The following SAMD12 variants were observed in gnomAD, a reference collection of about 807,000 sequenced individuals.
SAMD12 encodes sterile alpha motif domain containing 12.
A neutral mutation model predicts 15.0 loss-of-function variants in SAMD12; 9 were observed. The ratio of observed to expected loss-of-function variants is 0.60; its 90% CI spans 0.36 to 1.05. SAMD12 has a LOEUF of 1.05. SAMD12 is among the 50% of genes least tolerant of loss of function. The pLI is 0.01. For missense variants in SAMD12, 230 were observed against 234.2 expected, an observed-to-expected ratio of 0.98 and a Z score of 0.12; for synonymous variants, 86 against 90.1, an observed-to-expected ratio of 0.96 and a Z score of 0.25.
chr8:118,462,053 A>AT (rs1823438105), intron 2 of SAMD12, among the ~76,000 whole-genome samples: 1 of 152,172 alleles, frequency 6.6e-6, no homozygotes, highest in Admixed American at 6.5e-5. Context: ...CCTGCATTTG[A>AT]TTTTGTCAGT....
chr8:118,423,330 A>G (rs931734356), intron 3 of SAMD12, among the ~76,000 whole-genome samples: 2 of 152,158 alleles, frequency 1.3e-5, no homozygotes, highest in Admixed American at 1.3e-4. Context: ...GGCGGGTAAC[A>G]CACAAGGGGG....
chr8:118,419,466 G>C (rs1821891228), intron 3 of SAMD12, among the ~76,000 whole-genome samples: 1 of 152,130 alleles, frequency 6.6e-6, no homozygotes, highest in Non-Finnish European at 1.5e-5. Context: ...TAAGATTCTG[G>C]GGACTTCCTC....
At chr8:118,579,802 T>C (rs1827238543) in intron 2 of SAMD12, among the ~76,000 whole-genome samples, 1 of 152,160 alleles carries the variant, frequency 6.6e-6, no homozygotes, top group African/African-American at 2.4e-5. Context: ...AACAAAACTA[T>C]ATGAAGATTA....
the SAMD12 span, among the ~76,000 whole-genome samples, chr8:118,152,214 T>C: frequency 6.6e-6 from 1 of 152,184 alleles, no homozygotes; most frequent in African/African-American, 2.4e-5. Context: ...AAAGTTCTAC[T>C]TAATACTTGT....
At chr8:118,152,071 A>G in the SAMD12 span, among the ~76,000 whole-genome samples, 1 of 152,170 alleles carries the variant, frequency 6.6e-6, no homozygotes, top group Non-Finnish European at 1.5e-5. Flanking sequence ...TTTGGTCTTT[A>G]CAACTTAGAA....
chr8:118,614,009 G>C (rs1448721895), intron 1 of SAMD12, among the ~76,000 whole-genome samples: 1 of 152,192 alleles, frequency 6.6e-6, no homozygotes, highest in Non-Finnish European at 1.5e-5. Context: ...ATTTTAAGCT[G>C]AGGATGCCTT....
chr8:118,245,232 G>A (rs1812658175), intron 4 of SAMD12, among the ~76,000 whole-genome samples: 1 of 152,146 alleles, frequency 6.6e-6, no homozygotes, highest in Non-Finnish European at 1.5e-5. Context: ...AGATATCAAA[G>A]TTTACTAAGA....
intron 2 of SAMD12, among the ~76,000 whole-genome samples, chr8:118,543,033 A>T (rs567535282): frequency 6.6e-4 from 101 of 152,330 alleles, no homozygotes; most frequent in African/African-American, 2.2e-3. Flanking sequence ...AAGGATGAAA[A>T]AAAGGAAAAA....
At chr8:118,266,440 A>C (rs1212602231) in intron 4 of SAMD12, among the ~76,000 whole-genome samples, 2 of 152,200 alleles carry the variant, frequency 1.3e-5, no homozygotes, top group African/African-American at 4.8e-5. Context: ...GAACTTCCTT[A>C]AAATCTAAAG....
chr8:118,333,865 T>C (rs952248208), intron 4 of SAMD12, among the ~76,000 whole-genome samples: 1 of 147,816 alleles, frequency 6.8e-6, no homozygotes, highest in African/African-American at 2.5e-5. Flanking sequence ...GGTATGTCTG[T>C]GTGTGTGTGT....
At chr8:118,371,126 A>T (rs553685628) in intron 4 of SAMD12, among the ~76,000 whole-genome samples, 54 of 152,124 alleles carry the variant, frequency 3.5e-4, no homozygotes, top group African/African-American at 9.4e-4. Context: ...TATAATGAAG[A>T]TATCTTAATT....
At chr8:118,354,143 C>A (rs556127464) in intron 4 of SAMD12, among the ~76,000 whole-genome samples, 1 of 152,290 alleles carries the variant, frequency 6.6e-6, no homozygotes, top group Admixed American at 6.5e-5. Flanking sequence ...TCCCATCTGA[C>A]TGATATTAAA....
intron 3 of SAMD12, among the ~76,000 whole-genome samples, chr8:118,387,993 A>G (rs1820056319): frequency 6.6e-6 from 1 of 152,222 alleles, no homozygotes; most frequent in African/African-American, 2.4e-5. Context: ...ACTAGTAGAC[A>G]AGGATAAATA....
chr8:118,494,028 A>T (rs1456929527), intron 2 of SAMD12, among the ~76,000 whole-genome samples: 1 of 152,172 alleles, frequency 6.6e-6, no homozygotes, highest in African/African-American at 2.4e-5. Flanking sequence ...GTATTGTATT[A>T]GCCTCTATGT....
intron 4 of SAMD12, among the ~76,000 whole-genome samples, chr8:118,325,597 G>C (rs1816528936): frequency 6.6e-6 from 1 of 152,080 alleles, no homozygotes; most frequent in African/African-American, 2.4e-5. Flanking sequence ...GAACACTTAA[G>C]ATCTCTCAGC....
intron 2 of SAMD12, among the ~76,000 whole-genome samples, chr8:118,545,649 C>T (rs1450586981): frequency 6.6e-6 from 1 of 151,932 alleles, no homozygotes; most frequent in Non-Finnish European, 1.5e-5. Context: ...CTTGATGAAC[C>T]CAAGACATCA....
chr8:118,424,337 C>CAAT (rs1031654454), intron 3 of SAMD12, among the ~76,000 whole-genome samples: 1 of 152,060 alleles, frequency 6.6e-6, no homozygotes, highest in Non-Finnish European at 1.5e-5. Flanking sequence ...AACTACGGAT[C>CAAT]AATAATAATA....
intron 2 of SAMD12, among the ~76,000 whole-genome samples, chr8:118,545,930 C>T (rs1306879303): frequency 6.6e-6 from 1 of 152,174 alleles, no homozygotes; most frequent in Non-Finnish European, 1.5e-5. Context: ...ACTGCAAAGC[C>T]AGAGCCCAGG....
At chr8:118,137,200 G>A in the SAMD12 span, among the ~76,000 whole-genome samples, 3 of 152,148 alleles carry the variant, frequency 2.0e-5, no homozygotes, top group Admixed American at 6.5e-5. Context: ...AGTAGTGGCC[G>A]GCAATCAGTC....
Sources: allele counts gnomAD v4.1 joint callset (sites outside exome capture counted in the v4.1 genomes callset), GRCh38; gene constraint gnomAD v4.1.1; transcripts MANE v1.5; gene names NCBI Gene and HGNC (gene_info 2026-07-23, HGNC 2026-07-21).